RAD51B: variants seen among roughly 807,000 people sequenced by gnomAD.
RAD51B encodes the protein RAD51 paralog B.
RAD51B carries 38 observed loss-of-function variants against 42.2 expected under a neutral mutation model. That is an observed-to-expected ratio of 0.90 (90% confidence interval 0.70 to 1.18). The LOEUF is 1.18. RAD51B is among the 50% of genes most tolerant of loss of function. RAD51B has a pLI of 0.00. For synonymous variants in RAD51B, 154 were observed against 145.2 expected, an observed-to-expected ratio of 1.06 and a Z score of -0.43; for missense variants, 373 against 400.7, an observed-to-expected ratio of 0.93 and a Z score of 0.59.
intron 3 of RAD51B, among the ~76,000 whole-genome samples, chr14:67,827,859 C>T (rs767681506): frequency 4.6e-5 from 7 of 152,230 alleles, no homozygotes; most frequent in African/African-American, 1.4e-4. Flanking sequence ...ATTGTGTATA[C>T]GTACCACATT....
chr14:67,957,633 C>T (rs2074578256), intron 7 of RAD51B, among the ~76,000 whole-genome samples: 2 of 152,324 alleles, frequency 1.3e-5, no homozygotes, highest in African/African-American at 4.8e-5. Flanking sequence ...ACTCGGATCG[C>T]TGTCTCCAGT....
At chr14:68,343,164 C>T (rs1015261071) in intron 8 of RAD51B, among the ~76,000 whole-genome samples, 2 of 152,146 alleles carry the variant, frequency 1.3e-5, no homozygotes, top group African/African-American at 4.8e-5. Flanking sequence ...AATTTACTCT[C>T]TTAACAATTT....
At chr14:68,437,246 T>C (rs1252792168) in intron 9 of RAD51B, among the ~76,000 whole-genome samples, 1 of 152,204 alleles carries the variant, frequency 6.6e-6, no homozygotes, top group Non-Finnish European at 1.5e-5. Context: ...CTCAGAAGCT[T>C]CCGCATCTAT....
intron 11 of RAD51B, among the ~76,000 whole-genome samples, chr14:68,676,643 A>G (rs1056779622): frequency 2.0e-5 from 3 of 152,234 alleles, no homozygotes; most frequent in African/African-American, 4.8e-5. Context: ...GAAGGTGTAC[A>G]TGTCTACACC....
chr14:68,135,784 A>G (rs2140700400), intron 7 of RAD51B, among the ~76,000 whole-genome samples: 1 of 152,340 alleles, frequency 6.6e-6, no homozygotes, highest in South Asian at 2.1e-4. Flanking sequence ...AGAATATGAG[A>G]TGAGGAGAGA....
intron 3 of RAD51B, among the ~76,000 whole-genome samples, chr14:67,826,945 A>G (rs1001961464): frequency 1.3e-5 from 2 of 152,156 alleles, no homozygotes; most frequent in East Asian, 3.9e-4. Flanking sequence ...GGCCTCCCCA[A>G]GTGCTGGGAT....
At chr14:68,113,213 A>G in intron 7 of RAD51B, among the ~76,000 whole-genome samples, 1 of 152,146 alleles carries the variant, frequency 6.6e-6, no homozygotes, top group East Asian at 1.9e-4. Context: ...CTATATTGAA[A>G]GCTGTAATAT....
intron 8 of RAD51B, among the ~76,000 whole-genome samples, chr14:68,307,682 A>G (rs1371885332): frequency 1.3e-5 from 2 of 152,226 alleles, no homozygotes; most frequent in African/African-American, 2.4e-5. Context: ...ATTTAAAAGC[A>G]AAGGTTATGG....
At chr14:68,374,164 C>G (rs1176715420) in intron 8 of RAD51B, among the ~76,000 whole-genome samples, 5 of 152,218 alleles carry the variant, frequency 3.3e-5, no homozygotes, top group Non-Finnish European at 7.3e-5. Context: ...TCAGCAGATT[C>G]TAAGCACCGT....
chr14:68,518,836 T>A (rs1235566003), intron 10 of RAD51B, among the ~76,000 whole-genome samples: 3 of 151,926 alleles, frequency 2.0e-5, no homozygotes, highest in African/African-American at 7.3e-5. Context: ...CCCCTCAAGG[T>A]CTCCGAGAGC....
At chr14:68,369,229 C>T (rs545810652) in intron 8 of RAD51B, among the ~76,000 whole-genome samples, 26 of 152,296 alleles carry the variant, frequency 1.7e-4, no homozygotes, top group African/African-American at 3.1e-4. Flanking sequence ...AAGTTACTTA[C>T]GGCAAAAATA....
intron 7 of RAD51B, among the ~76,000 whole-genome samples, chr14:67,985,780 C>A (rs530706722): frequency 2.0e-5 from 3 of 151,506 alleles, no homozygotes; most frequent in Admixed American, 2.0e-4. Context: ...TGTGGTGGTG[C>A]GTCCCTGTAG....
chr14:67,927,398 G>C (rs1299755397), intron 7 of RAD51B, among the ~76,000 whole-genome samples: 1 of 151,604 alleles, frequency 6.6e-6, no homozygotes, highest in African/African-American at 2.4e-5. Context: ...ACTAAGTGTA[G>C]TCACTGTGGT....
intron 7 of RAD51B, among the ~76,000 whole-genome samples, chr14:67,945,543 A>G (rs2045358992): frequency 6.6e-6 from 1 of 152,118 alleles, no homozygotes; most frequent in Non-Finnish European, 1.5e-5. Flanking sequence ...ACTGGAGTGC[A>G]GTGGCGCAAT....
intron 10 of RAD51B, among the ~76,000 whole-genome samples, chr14:68,573,009 C>T (rs374520563): frequency 6.6e-6 from 1 of 152,086 alleles, no homozygotes; most frequent in Non-Finnish European, 1.5e-5. Flanking sequence ...GTGATGGAGT[C>T]GGGGAATCAA....
At chr14:68,450,708 T>G (rs1004389823) in intron 9 of RAD51B, among the ~76,000 whole-genome samples, 8 of 152,208 alleles carry the variant, frequency 5.3e-5, no homozygotes, top group Non-Finnish European at 1.5e-5. Flanking sequence ...TTGACTTGTT[T>G]ATGGTGAACA....
intron 8 of RAD51B, among the ~76,000 whole-genome samples, chr14:68,379,136 C>T (rs2083430176): frequency 6.6e-6 from 1 of 152,218 alleles, no homozygotes; most frequent in Admixed American, 6.5e-5. Context: ...CTTGCTCAGT[C>T]TGACATAAGT....
chr14:68,143,526 G>C (rs2078181553), intron 7 of RAD51B, among the ~76,000 whole-genome samples: 1 of 152,224 alleles, frequency 6.6e-6, no homozygotes, highest in South Asian at 2.1e-4. Flanking sequence ...CATGAGAAAT[G>C]CTGTGCTTGC....
At chr14:68,387,167 ACC>A (rs1303801703) in intron 8 of RAD51B, 2 of 152,174 alleles carry the variant, frequency 1.3e-5, no homozygotes, top group African/African-American at 2.4e-5. Flanking sequence ...AGAAAGACAA[ACC>A]CTGAGATGAA....
Sources: gnomAD v4.1 joint callset for allele counts (sites outside exome capture counted in the v4.1 genomes callset) on GRCh38, gnomAD v4.1.1 for gene constraint, MANE v1.5 for transcripts, NCBI Gene and HGNC (gene_info 2026-07-23, HGNC 2026-07-21) for gene names.